Variants in PCDH15 observed in about 807,000 individuals in gnomAD.
The protein encoded by PCDH15 is protocadherin related 15.
A neutral mutation model predicts 178.5 loss-of-function variants in PCDH15; 129 were observed. The observed-to-expected ratio is 0.72, with a 90% confidence interval of 0.63 to 0.84. PCDH15 has a LOEUF of 0.84. Among genes scored for constraint, PCDH15 ranks in the 40% least tolerant of loss-of-function variants. PCDH15 has a pLI of 0.00. For missense variants in PCDH15, 2,230 were observed against 2,099.9 expected, an observed-to-expected ratio of 1.06 and a Z score of -1.21; for synonymous variants, 800 against 732.0, an observed-to-expected ratio of 1.09 and a Z score of -1.50.
chr10:54,205,177 G>A (rs755997629), intron 10 of PCDH15, among the ~76,000 whole-genome samples: 8 of 152,046 alleles, frequency 5.3e-5, no homozygotes, highest in Non-Finnish European at 1.0e-4. Context: ...ATCAGTAGTC[G>A]TTTGGGATCA....
intron 8 of PCDH15, among the ~76,000 whole-genome samples, chr10:54,308,466 C>A (rs1294339175): frequency 6.6e-6 from 1 of 151,786 alleles, no homozygotes; most frequent in Non-Finnish European, 1.5e-5. Flanking sequence ...TTATTTTATA[C>A]CTGTTTCTTA....
chr10:55,054,990 C>T (rs915908685), intron 2 of PCDH15, among the ~76,000 whole-genome samples: 5 of 152,138 alleles, frequency 3.3e-5, no homozygotes, highest in African/African-American at 4.8e-5. Context: ...TTGAGAGATT[C>T]TTTTGCTTTG....
intron 18 of PCDH15, among the ~76,000 whole-genome samples, chr10:54,051,571 T>A (rs1036315720): frequency 2.6e-5 from 4 of 152,072 alleles, no homozygotes; most frequent in African/African-American, 9.7e-5. Context: ...ATTTAAGGTA[T>A]CTTGTGGAAA....
At chr10:54,839,994 T>C (rs1357438438) in intron 3 of PCDH15, among the ~76,000 whole-genome samples, 3 of 151,978 alleles carry the variant, frequency 2.0e-5, no homozygotes, top group African/African-American at 7.2e-5. Context: ...AAAACACACA[T>C]GAACACACAC....
Position 54,346,412 on chromosome 10 carries a change from G to A in PCDH15, c.547C>T (p.Pro183Ser), listed in dbSNP as rs761392441. 6.2e-7 allele frequency: 1 copy of A among 1,613,386 alleles called. No homozygotes were observed. The highest frequency in any genetic ancestry group is 1.7e-5 in the Admixed American group (1 of 60,004). ...DNGATDIDDG[P>S]NGQIEYVIQY... ...ATAACATACTCTATCTGTCCATTTG[G>A]TCCATCATCTATATCTGTAGCTCCA... Residue 183 changes from proline (P) to serine (S), a missense_variant, in exon 6 of 38, where the codon CCA becomes TCA. Transcript: ENST00000644397.
chr10:55,318,504 C>T (rs1843791217), intron 1 of PCDH15, among the ~76,000 whole-genome samples: 1 of 151,946 alleles, frequency 6.6e-6, no homozygotes, highest in Admixed American at 6.6e-5. Context: ...ATGGATAAAT[C>T]AGACTAGATT....
chr10:54,104,604 A>AAGGC (rs2094874599), intron 15 of PCDH15, among the ~76,000 whole-genome samples: 1 of 152,052 alleles, frequency 6.6e-6, no homozygotes, highest in Admixed American at 6.5e-5. Context: ...TTGGGAGGCC[A>AAGGC]AGGCAGGCAG....
At chr10:55,038,681 T>C (rs1840795345) in intron 2 of PCDH15, among the ~76,000 whole-genome samples, 1 of 152,158 alleles carries the variant, frequency 6.6e-6, no homozygotes, top group Non-Finnish European at 1.5e-5. Context: ...GACTCTATAG[T>C]AGTAATGATC....
intron 25 of PCDH15, among the ~76,000 whole-genome samples, chr10:53,924,231 C>CGTGT (rs775568414): frequency 6.6e-5 from 10 of 152,210 alleles, no homozygotes; most frequent in Non-Finnish European, 1.3e-4. Context: ...CGCGAGCCAG[C>CGTGT]GTGAGTTCCG....
intron 2 of PCDH15, among the ~76,000 whole-genome samples, chr10:54,563,819 C>T (rs955072874): frequency 4.6e-5 from 7 of 152,110 alleles, no homozygotes; most frequent in Non-Finnish European, 1.0e-4. Context: ...TAACCAAATA[C>T]TTTTAAAAAT....
chr10:54,647,022 A>C (rs1212945130), intron 2 of PCDH15, among the ~76,000 whole-genome samples: 1 of 152,120 alleles, frequency 6.6e-6, no homozygotes, highest in African/African-American at 2.4e-5. Context: ...AGGATCTTAA[A>C]GAAATATTAG....
chr10:54,221,926 G>C (rs1341538346), intron 9 of PCDH15, among the ~76,000 whole-genome samples: 1 of 152,006 alleles, frequency 6.6e-6, no homozygotes, highest in East Asian at 1.9e-4. Flanking sequence ...TCTTTTCGTA[G>C]GTGTGTCTGG....
chr10:55,093,796 C>T (rs1228703249), intron 2 of PCDH15, among the ~76,000 whole-genome samples: 1 of 152,100 alleles, frequency 6.6e-6, no homozygotes, highest in Non-Finnish European at 1.5e-5. Flanking sequence ...AAAAAATGCT[C>T]ATCATCACTG....
At chr10:55,543,188 G>A (rs1841802513) in intron 2 of PCDH15, among the ~76,000 whole-genome samples, 1 of 149,754 alleles carries the variant, frequency 6.7e-6, no homozygotes, top group South Asian at 2.1e-4. Context: ...TATACACCAT[G>A]TCCCTCAACT....
rs555644927 is a variant in PCDH15 at position 53,936,542 on chromosome 10, G to A, written c.3373+2273C>T. On this transcript the variant is annotated intron_variant, in intron 25 of 37. Coordinates refer to ENST00000644397, the MANE Select transcript of PCDH15 (RefSeq NM_001384140.1). ...GGGAGTTGATACATGGAGGTTCACC[G>A]TAATATTCTCTGTAATTTTTGTATG... 1.2e-3 allele frequency among the ~76,000 whole-genome samples: 181 copies of A among 152,194 alleles called. 1 individual carries two copies. Among genetic ancestry groups the A allele is most frequent in the African/African-American group, 4.0e-3 (167 of 41,552 alleles).
intron 8 of PCDH15, among the ~76,000 whole-genome samples, chr10:54,297,818 C>A (rs944422650): frequency 2.0e-5 from 3 of 152,160 alleles, no homozygotes; most frequent in South Asian, 2.1e-4. Context: ...CTAGGGCAAG[C>A]CTTTGATCTT....
intron 2 of PCDH15, among the ~76,000 whole-genome samples, chr10:55,584,354 C>T (rs558056078): frequency 1.8e-3 from 143 of 79,852 alleles, no homozygotes; most frequent in Admixed American, 9.5e-3. Flanking sequence ...CTGGAAGTTT[C>T]CTTAAAAAAA....
intron 5 of PCDH15, among the ~76,000 whole-genome samples, chr10:54,347,344 A>C (rs1325273926): frequency 6.6e-6 from 1 of 152,114 alleles, no homozygotes; most frequent in East Asian, 1.9e-4. Context: ...AAATAGCATT[A>C]CACACGCCAC....
intron 3 of PCDH15, among the ~76,000 whole-genome samples, chr10:54,868,338 T>G (rs1953974771): frequency 6.6e-6 from 1 of 152,148 alleles, no homozygotes; most frequent in Admixed American, 6.6e-5. Context: ...TGACTACGCA[T>G]AAGCACCTTC....
Sources: allele counts gnomAD v4.1 joint callset (sites outside exome capture counted in the v4.1 genomes callset), GRCh38; gene constraint gnomAD v4.1.1; transcripts MANE v1.5; gene names NCBI Gene and HGNC (gene_info 2026-07-23, HGNC 2026-07-21).